LATS2: variants seen among roughly 807,000 people sequenced by gnomAD.
LATS2 encodes serine/threonine-protein kinase LATS2.
LATS2 carries 24 observed loss-of-function variants against 76.0 expected under a neutral mutation model. The observed-to-expected ratio is 0.32, with a 90% CI of 0.23 to 0.44. The LOEUF (loss-of-function observed/expected upper bound fraction) is 0.44, where lower values mean the gene tolerates loss of function less well. Among genes scored for constraint, LATS2 ranks in the 20% least tolerant of loss-of-function variants. LATS2 has a pLI of 1.00. For missense variants in LATS2, 1,286 were observed against 1,481.2 expected, an observed-to-expected ratio of 0.87 and a Z score of 2.16; for synonymous variants, 692 against 635.4, an observed-to-expected ratio of 1.09 and a Z score of -1.34.
intron 2 of LATS2, among the ~76,000 whole-genome samples, chr13:20,996,181 T>C (rs988005797): frequency 6.6e-6 from 1 of 152,138 alleles, no homozygotes; most frequent in Non-Finnish European, 1.5e-5. Context: ...CAACACTTCC[T>C]TCATCAGTGA....
intron 2 of LATS2, among the ~76,000 whole-genome samples, chr13:21,011,206 A>G (rs2138341562): frequency 6.6e-6 from 1 of 152,320 alleles, no homozygotes; most frequent in East Asian, 1.9e-4. Context: ...TCTTGGCAGT[A>G]TTTTGAAATA....
At chr13:21,033,437 G>A (rs1872597925) in intron 2 of LATS2, among the ~76,000 whole-genome samples, 1 of 151,908 alleles carries the variant, frequency 6.6e-6, no homozygotes, top group African/African-American at 2.4e-5. Context: ...CGGGAAGACT[G>A]GAAACAAACA....
intron 2 of LATS2, among the ~76,000 whole-genome samples, chr13:21,042,451 T>C (rs1340897657): frequency 6.6e-6 from 1 of 152,140 alleles, no homozygotes; most frequent in African/African-American, 2.4e-5. Context: ...ATTCCAGCAC[T>C]TTTGGAGGTT....
Position 20,983,216 on chromosome 13 carries a change from G to A in LATS2, c.2482+8C>T, listed in dbSNP as rs1268421332. On this transcript the variant is annotated splice_region_variant and intron_variant, in intron 5 of 7. Transcript: ENST00000382592. The stretch of plus-strand genomic sequence containing the variant: ...TAGAAAGTGCATGTGGCACACTTCA[G>A]ACAATACCTTTCTGGTAATATTTGG... The A allele has an allele frequency of 1.9e-6, 3 of 1,595,694 alleles. No individual in the cohort carries two copies. Among genetic ancestry groups the A allele is most frequent in the African/African-American group, 2.7e-5 (2 of 74,552 alleles).
chr13:20,986,093 G>A (rs1870129598), intron 4 of LATS2, among the ~76,000 whole-genome samples: 2 of 152,128 alleles, frequency 1.3e-5, no homozygotes, highest in South Asian at 4.1e-4. Context: ...CTTGTCAAAA[G>A]AAGATACACA....
chr13:20,985,038 G>C (rs932267229), intron 4 of LATS2, among the ~76,000 whole-genome samples: 2 of 152,084 alleles, frequency 1.3e-5, no homozygotes, highest in Non-Finnish European at 2.9e-5. Context: ...ACGGTGCCAA[G>C]AATGTACACT....
intron 2 of LATS2, among the ~76,000 whole-genome samples, chr13:21,007,400 C>A (rs1465095596): frequency 2.0e-5 from 3 of 147,980 alleles, no homozygotes; most frequent in Non-Finnish European, 4.5e-5. Context: ...TTTCTAAATG[C>A]CAAAAATTGT....
intron 2 of LATS2, among the ~76,000 whole-genome samples, chr13:21,007,776 T>TTTTTTTA (rs1871416585): frequency 1.4e-5 from 1 of 72,574 alleles, no homozygotes; most frequent in African/African-American, 5.0e-5. Context: ...TTTTTTTTTT[T>TTTTTTTA]GAGATGGAGT....
chr13:21,033,451 C>G lies in LATS2; in HGVS notation c.342+12234G>C, dbSNP rs542173109. On this transcript the variant is annotated intron_variant, in intron 2 of 7. Transcript: ENST00000382592. ...ACGGGAAGACTGGAAACAAACACACCGAGTTCAATACAGAAATACCCAGTC... is the reference window on the plus strand; with the variant it reads ...ACGGGAAGACTGGAAACAAACACACGGAGTTCAATACAGAAATACCCAGTC... Among the ~76,000 whole-genome samples the G allele has an allele frequency of 4.3e-3, 656 of 151,856 alleles. 3 individuals carry two copies. Among genetic ancestry groups the G allele is most frequent in the Admixed American group, 8.0e-3 (121 of 15,208 alleles).
At chr13:21,001,777 G>A (rs1871048145) in intron 2 of LATS2, among the ~76,000 whole-genome samples, 1 of 152,026 alleles carries the variant, frequency 6.6e-6, no homozygotes, top group South Asian at 2.1e-4. Flanking sequence ...TACTCCAGAG[G>A]CTAAGGCAGA....
chr13:21,034,125 C>T (rs898327309), intron 2 of LATS2, among the ~76,000 whole-genome samples: 3 of 152,156 alleles, frequency 2.0e-5, no homozygotes, highest in Non-Finnish European at 4.4e-5. Flanking sequence ...GCATACCAAC[C>T]ACGGGCCAGT....
At chr13:21,003,493 T>G (rs1407106568) in intron 2 of LATS2, among the ~76,000 whole-genome samples, 2 of 151,100 alleles carry the variant, frequency 1.3e-5, no homozygotes, top group Non-Finnish European at 2.9e-5. Context: ...CAGGCTGGAG[T>G]GCAGTGACAC....
chr13:20,986,965 G>C (rs1226399006), intron 4 of LATS2, among the ~76,000 whole-genome samples: 1 of 152,148 alleles, frequency 6.6e-6, no homozygotes, highest in Non-Finnish European at 1.5e-5. Context: ...GGCCGAGGTG[G>C]GCAGATCACC....
chr13:21,020,312 T>C (rs1018269678), intron 2 of LATS2, among the ~76,000 whole-genome samples: 1 of 152,086 alleles, frequency 6.6e-6, no homozygotes, highest in Admixed American at 6.6e-5. Context: ...GCACGAACAA[T>C]TCTATTATTA....
intron 2 of LATS2, among the ~76,000 whole-genome samples, chr13:21,000,308 G>A (rs933025190): frequency 6.6e-6 from 1 of 151,992 alleles, no homozygotes; most frequent in Non-Finnish European, 1.5e-5. Flanking sequence ...TTCAACCCAG[G>A]AGGTGGAGGT....
chr13:21,051,032 C>T (rs61950278), intron 1 of LATS2, among the ~76,000 whole-genome samples: 140 of 152,320 alleles, frequency 9.2e-4, no homozygotes, highest in Non-Finnish European at 1.5e-3. Context: ...GTGCAAGTCA[C>T]AGAGAAGGGT....
intron 2 of LATS2, among the ~76,000 whole-genome samples, chr13:21,040,373 T>C (rs111809769): frequency 0.013 from 1,789 of 138,800 alleles, 35 homozygotes; most frequent in African/African-American, 0.048. Flanking sequence ...ACAGACCTTG[T>C]CTCAAAAAAA....
chr13:21,022,710 T>G (rs554221066), intron 2 of LATS2, among the ~76,000 whole-genome samples: 2 of 152,312 alleles, frequency 1.3e-5, no homozygotes, highest in Non-Finnish European at 2.9e-5. Context: ...ATGAGGACTA[T>G]GAAGCAAACA....
In LATS2 at chr13:20,988,120, C is replaced by A. The variant is rs148138215; in HGVS notation, c.1660G>T (p.Gly554Cys). 1 of 1,614,256 alleles carries A rather than the reference C, an allele frequency of 6.2e-7. No homozygotes were observed. Among genetic ancestry groups the A allele is most frequent in the African/African-American group, 1.3e-5 (1 of 75,080 alleles). ...TTGGCGCTTTTGCGGCTCTTGTCGC[C>A]GCCCTCGGGCTCGTTGGGGCCCGCA... The part of the protein sequence containing the change: ...LRAGPNEPEG[G>C]DKSRKSAKGD... The change falls in exon 4 of 8, where the codon GGC (glycine) becomes TGC (cysteine). Residue 554 changes from glycine to cysteine, a missense_variant. This residue lies in a region of LATS2 where 710 missense variants were observed against 660.9 expected (regional missense o/e 1.07). Transcript: ENST00000382592.
Sources: gnomAD v4.1 joint callset for allele counts (sites outside exome capture counted in the v4.1 genomes callset) on GRCh38, gnomAD v4.1.1 for gene constraint, gnomAD v4.1.1 regional missense constraint, MANE v1.5 for transcripts, NCBI Gene and HGNC (gene_info 2026-07-23, HGNC 2026-07-21) for gene names.